PTPRS: variants seen among roughly 807,000 people sequenced by gnomAD.
The protein encoded by PTPRS is receptor-type tyrosine-protein phosphatase S.
A neutral mutation model predicts 215.3 loss-of-function variants in PTPRS; 63 were observed. The ratio of observed to expected loss-of-function variants is 0.29; its 90% CI spans 0.24 to 0.36. PTPRS has a LOEUF of 0.36. Ranked by LOEUF, PTPRS falls within the 10% of genes least tolerant of loss-of-function variation. The pLI, the probability that PTPRS is intolerant of heterozygous loss-of-function variation, is 1.00. For synonymous variants in PTPRS, 1,404 were observed against 1,191.4 expected (o/e 1.18, Z -3.68); for missense variants, 2,258 against 2,825.8 (o/e 0.80, Z 4.56).
At chr19:5,267,897 C>T (rs981549782) in intron 4 of PTPRS, among the ~76,000 whole-genome samples, 5 of 151,970 alleles carry the variant, frequency 3.3e-5, no homozygotes, top group Admixed American at 2.6e-4. Context: ...CAGCCGGGCA[C>T]AGTGGGTCAC....
chr19:5,251,527 C>G lies in PTPRS; in HGVS notation c.718+4581G>C, dbSNP rs77938895. On this transcript the variant is annotated intron_variant, in intron 9 of 37. Transcript: ENST00000262963. ...TCCATGGACTTCCCTCACCACCCCC[C>G]CAACCTCGCTGTGGCCGCCGGAGAC... 2.1e-3 allele frequency among the ~76,000 whole-genome samples: 316 copies of G among 151,846 alleles called. 1 individual carries two copies. Among genetic ancestry groups the G allele is most frequent in the East Asian group, 6.8e-3 (35 of 5,170 alleles).
intron 2 of PTPRS, among the ~76,000 whole-genome samples, chr19:5,285,249 C>A (rs1358135372): frequency 6.6e-6 from 1 of 152,200 alleles, no homozygotes. Context: ...CCCAGCCTGA[C>A]TGCAGAACCC....
intron 1 of PTPRS, among the ~76,000 whole-genome samples, chr19:5,302,013 T>C (rs952060480): frequency 6.6e-6 from 1 of 152,096 alleles, no homozygotes; most frequent in Admixed American, 6.6e-5. Context: ...ACTCCTGACC[T>C]CAAATGATCC....
intron 1 of PTPRS, among the ~76,000 whole-genome samples, chr19:5,330,896 G>C (rs571192318): frequency 6.6e-6 from 1 of 152,082 alleles, no homozygotes; most frequent in Non-Finnish European, 1.5e-5. Context: ...CGGAAACCCC[G>C]GCAGTTCACA....
chr19:5,247,263 A>C (rs943666243), intron 9 of PTPRS, among the ~76,000 whole-genome samples: 5 of 151,936 alleles, frequency 3.3e-5, no homozygotes, highest in African/African-American at 1.2e-4. Context: ...TTGAGAGAAC[A>C]GGGACATGTT....
At position 5,274,331 on chromosome 19, in the gene PTPRS, A is replaced by G; in HGVS notation, c.105T>C (p.Phe35=). 6.7e-7 allele frequency: 1 copy of G among 1,489,844 alleles called. No homozygotes were observed. The highest frequency in any genetic ancestry group is 9.1e-7 in the Non-Finnish European group (1 of 1,103,726). The allele number at this position is 1,489,844 out of a possible 1,614,324, so 92.3% of individuals were successfully genotyped here. A position where few individuals can be genotyped will look rare whatever the true frequency, so the allele number is the denominator to read the frequency against. The change falls in exon 3 of 38, where the codon TTT becomes TTC. Residue 35 remains phenylalanine (F), a synonymous_variant. Coordinates refer to ENST00000262963, the MANE Select transcript of PTPRS (RefSeq NM_002850.4). ...GGCAAEEPPR[F]IKEPKDQIGV... ...CGATCTGGTCCTTGGGTTCTTTGAT[A>G]AACCTGGGGGGCTCTGGGGATACAG...
At chr19:5,292,960 G>A (rs917389418) in intron 1 of PTPRS, among the ~76,000 whole-genome samples, 1 of 152,164 alleles carries the variant, frequency 6.6e-6, no homozygotes, top group African/African-American at 2.4e-5. Flanking sequence ...CTGAATGGGG[G>A]GGCGCCAGGC....
Position 5,274,188 on chromosome 19 carries a change from C to T in PTPRS, c.237+11G>A, listed in dbSNP as rs970329088. ...ATTGACCCCAGGCTGCCTCCCCCTACCCCAACTCACCTCAAAGCGCTGAGA... is the reference window on the plus strand; with the variant it reads ...ATTGACCCCAGGCTGCCTCCCCCTATCCCAACTCACCTCAAAGCGCTGAGA... On this transcript the variant is annotated intron_variant, in intron 3 of 37. Coordinates refer to ENST00000262963, the MANE Select transcript of PTPRS (RefSeq NM_002850.4). The T allele has an allele frequency of 1.2e-6, 2 of 1,606,378 alleles. No homozygotes were observed. Among genetic ancestry groups the T allele is most frequent in the Middle Eastern group, 1.7e-4 (1 of 6,014 alleles).
rs560977342 is a variant in PTPRS, at chr19:5,246,254, A to G, written c.719-209T>C. Among the ~76,000 whole-genome samples, 854 of 152,272 alleles carry G rather than the reference A, an allele frequency of 5.6e-3. 11 individuals carry two copies. Among genetic ancestry groups the G allele is most frequent in the Middle Eastern group, 0.01 (3 of 294 alleles). On this transcript the variant is annotated intron_variant, in intron 9 of 37. Transcript: ENST00000262963. ...TCCCTCTGTTGATTTTTTTCCCCCA[A>G]ATGAAAAGAAAACAAAAGAACCAAA...
chr19:5,273,476 C>A lies in PTPRS; in HGVS notation c.345G>T (p.Glu115Asp). ...YECVAQNSVG[E>D]ITVHAKLTVL... is the part of the protein sequence containing the mutation. ...CAGTAAGCTTGGCATGGACTGTGAT[C>A]TCCCCAACCGAGTTCTGGGCCACAC... The change falls in exon 4 of 38, where the codon GAG becomes GAT. Residue 115 changes from glutamate (E) to aspartate (D), a missense_variant. By Grantham distance (45) the Glu-to-Asp change is conservative. Transcript: ENST00000262963. 1 of 1,614,208 alleles carries A rather than the reference C, an allele frequency of 6.2e-7. No homozygotes were observed. The highest frequency in any genetic ancestry group is 1.3e-5 in the African/African-American group (1 of 75,044).
At chr19:5,303,641 G>A (rs2049374116) in intron 1 of PTPRS, among the ~76,000 whole-genome samples, 1 of 152,044 alleles carries the variant, frequency 6.6e-6, no homozygotes, top group Non-Finnish European at 1.5e-5. Context: ...TGAGTGAGCA[G>A]GGGCAGGATT....
intron 1 of PTPRS, among the ~76,000 whole-genome samples, chr19:5,288,303 A>G (rs889656409): frequency 6.6e-6 from 1 of 152,214 alleles, no homozygotes; most frequent in Admixed American, 6.5e-5. Context: ...CCAGCCAAAT[A>G]GAGATATGCA....
chr19:5,275,313 G>T (rs1026089695), intron 2 of PTPRS, among the ~76,000 whole-genome samples: 10 of 151,798 alleles, frequency 6.6e-5, no homozygotes, highest in African/African-American at 2.4e-4. Flanking sequence ...CTCATGATCT[G>T]CCTGCCTTCG....
rs769916725 is a variant in PTPRS at position 5,265,133 on chromosome 19, C to T, written c.443G>A (p.Arg148Gln). Residue 148 changes from arginine to glutamine, a missense_variant, in exon 5 of 38, where the codon CGG (arginine) becomes CAG (glutamine). Physicochemically the swap from Arg to Gln is conservative, Grantham distance 43. Coordinates refer to ENST00000262963, the MANE Select transcript of PTPRS (RefSeq NM_002850.4). ...DMGPQLKVVE[R>Q]TRTATMLCAA... is the part of the protein sequence containing the mutation. Reference sequence around the variant, plus strand: ...ACAGAGCATGGTGGCTGTCCGTGTCCGCTCCACCACCTTCAACTGTGGGCC... The same window carrying T: ...ACAGAGCATGGTGGCTGTCCGTGTCTGCTCCACCACCTTCAACTGTGGGCC... 13 of 1,613,996 alleles carry T rather than the reference C, an allele frequency of 8.1e-6. No individual in the cohort carries two copies. Among genetic ancestry groups the T allele is most frequent in the Non-Finnish European group, 1.0e-5 (12 of 1,180,024 alleles).
At chr19:5,247,575 G>C (rs2044613886) in intron 9 of PTPRS, among the ~76,000 whole-genome samples, 2 of 152,176 alleles carry the variant, frequency 1.3e-5, no homozygotes, top group African/African-American at 4.8e-5. Flanking sequence ...CTTTGGATGG[G>C]TGAAGGAGTC....
In PTPRS at chr19:5,294,901, G is replaced by A. The variant is rs1344536089; in HGVS notation, c.-94-8667C>T. ...GCCGTGACGTCCCCCGTCCCACGCA[G>A]CCCCATCCTCGACGAGGTACACAGT... is the stretch of plus-strand genomic sequence containing the variant. On this transcript the variant is annotated intron_variant, in intron 1 of 37. Transcript: ENST00000262963. The surrounding 1 kb of genome is among the most constrained non-coding windows in gnomAD (Gnocchi z 5.1). Among the ~76,000 whole-genome samples the A allele has an allele frequency of 2.6e-5, 4 of 152,148 alleles. No individual in the cohort carries two copies. The highest frequency in any genetic ancestry group is 9.7e-5 in the African/African-American group (4 of 41,444).
chr19:5,271,027 A>C (rs1034972162), intron 4 of PTPRS, among the ~76,000 whole-genome samples: 2 of 152,130 alleles, frequency 1.3e-5, no homozygotes, highest in African/African-American at 4.8e-5. Flanking sequence ...ATCGAGTACT[A>C]CTAGGGCCGC....
At chr19:5,277,533 G>A (rs540068635) in intron 2 of PTPRS, among the ~76,000 whole-genome samples, 132 of 151,856 alleles carry the variant, frequency 8.7e-4, no homozygotes, top group Middle Eastern at 3.4e-3. Context: ...GCAGGCACCT[G>A]TAGTCCCAGC....
chr19:5,208,161 C>G (rs2040541437), intron 36 of PTPRS, 76 bp downstream of exon 36: 1 of 1,564,388 alleles, frequency 6.4e-7, no homozygotes, highest in Admixed American at 1.8e-5. Context: ...ATGGGACAGC[C>G]TAAGCTTGGG....
Sources: gnomAD v4.1 joint callset for allele counts (sites outside exome capture counted in the v4.1 genomes callset) on GRCh38, gnomAD v4.1.1 for gene constraint, Gnocchi (gnomAD v3.1) non-coding constraint, MANE v1.5 for transcripts, NCBI Gene and HGNC (gene_info 2026-07-23, HGNC 2026-07-21) for gene names.